Variants in UNC13C observed in about 807,000 individuals in gnomAD.
UNC13C encodes the protein unc-13 homolog C.
Under a neutral mutation model 245.4 loss-of-function variants are expected in UNC13C, and 174 were observed. The observed-to-expected ratio is 0.71, with a 90% CI of 0.63 to 0.80. The LOEUF is 0.80. Ranked by LOEUF, UNC13C falls within the 30% of genes least tolerant of loss-of-function variation. UNC13C has a pLI of 0.00. For missense variants in UNC13C, 2,829 were observed against 2,602.9 expected, an observed-to-expected ratio of 1.09 and a Z score of -1.89; for synonymous variants, 992 against 895.1, an observed-to-expected ratio of 1.11 and a Z score of -1.93.
intron 2 of UNC13C, among the ~76,000 whole-genome samples, chr15:54,108,127 T>C (rs1900543635): frequency 6.6e-6 from 1 of 152,216 alleles, no homozygotes; most frequent in African/African-American, 2.4e-5. Context: ...GTAGACAGCA[T>C]TTAGAGATAA....
At chr15:54,217,674 C>T (rs947237703) in intron 4 of UNC13C, among the ~76,000 whole-genome samples, 1 of 151,956 alleles carries the variant, frequency 6.6e-6, no homozygotes, top group Non-Finnish European at 1.5e-5. Flanking sequence ...TTATCTCCAT[C>T]AGTGCTCCCA....
intron 24 of UNC13C, among the ~76,000 whole-genome samples, chr15:54,518,048 T>C (rs549969653): frequency 6.6e-6 from 1 of 152,306 alleles, no homozygotes; most frequent in East Asian, 1.9e-4. Context: ...TGGCCTTTTA[T>C]TGTGGCAACA....
chr15:54,006,593 A>G lies in UNC13C; in HGVS notation c.-256-6055A>G, dbSNP rs148017856. On this transcript the variant is annotated intron_variant, in intron 1 of 32. Coordinates refer to ENST00000260323, the MANE Select transcript of UNC13C (RefSeq NM_001080534.3). ...CCTGTGATCATCAGTCACATTATATACACATCCTTTTACTCCTTCATGTGG... is the reference window on the plus strand; with the variant it reads ...CCTGTGATCATCAGTCACATTATATGCACATCCTTTTACTCCTTCATGTGG... 2.0e-4 allele frequency among the ~76,000 whole-genome samples: 31 copies of G among 152,356 alleles called. No homozygotes were observed. The East Asian group carries it at 5.6e-3, about 27-fold the overall frequency.
chr15:54,482,009 A>G (rs1426360097), intron 19 of UNC13C, among the ~76,000 whole-genome samples: 1 of 152,162 alleles, frequency 6.6e-6, no homozygotes, highest in Non-Finnish European at 1.5e-5. Context: ...GTTGCTCTGC[A>G]TGGCAGTGGT....
intron 30 of UNC13C, among the ~76,000 whole-genome samples, chr15:54,577,401 A>T (rs1310125193): frequency 6.6e-6 from 1 of 152,176 alleles, no homozygotes; most frequent in Non-Finnish European, 1.5e-5. Flanking sequence ...TTACCATGAA[A>T]GTCTATGCCA....
rs140464741 is a variant in UNC13C at position 54,488,764 on chromosome 15, C to T, written c.4934-5844C>T. On this transcript the variant is annotated intron_variant, in intron 19 of 32. Transcript: ENST00000260323. ...TTTTATTCTGGTAGTAAAATATTCA[C>T]ATTTCTCATTGAAATTCAAAGATTA... Among the ~76,000 whole-genome samples, 537 of 152,252 alleles carry T rather than the reference C, an allele frequency of 3.5e-3. 4 individuals carry two copies. The highest frequency in any genetic ancestry group is 0.012 in the African/African-American group (512 of 41,552).
At chr15:54,030,196 G>A (rs35409463) in intron 2 of UNC13C, among the ~76,000 whole-genome samples, 2,237 of 151,978 alleles carry the variant, frequency 0.015, 64 homozygotes, top group African/African-American at 0.052. Flanking sequence ...CCCCATGTCC[G>A]TGTCCCAGGC....
the UNC13C span, among the ~76,000 whole-genome samples, chr15:53,947,125 A>G: frequency 6.6e-6 from 1 of 152,172 alleles, no homozygotes; most frequent in Non-Finnish European, 1.5e-5. Flanking sequence ...GTGATGACTT[A>G]TATGTAACCA....
chr15:54,110,538 G>A (rs1220839598), intron 2 of UNC13C, among the ~76,000 whole-genome samples: 1 of 152,130 alleles, frequency 6.6e-6, no homozygotes, highest in Non-Finnish European at 1.5e-5. Context: ...ATAAAACAAT[G>A]CATTTTGTGG....
chr15:53,843,193 T>C, the UNC13C span, among the ~76,000 whole-genome samples: 3 of 152,112 alleles, frequency 2.0e-5, no homozygotes, highest in Non-Finnish European at 4.4e-5. Flanking sequence ...GATCCCAACA[T>C]TTTGGGAGGC....
chr15:54,230,250 T>A (rs2035512826), intron 4 of UNC13C, among the ~76,000 whole-genome samples: 1 of 152,196 alleles, frequency 6.6e-6, no homozygotes, highest in Non-Finnish European at 1.5e-5. Context: ...TCACCAACAC[T>A]TGTTATCTTT....
chr15:54,330,674 T>C (rs1222396255), intron 14 of UNC13C, among the ~76,000 whole-genome samples: 1 of 152,082 alleles, frequency 6.6e-6, no homozygotes, highest in African/African-American at 2.4e-5. Flanking sequence ...TCTCCTTTTC[T>C]ATCTGGATTG....
At chr15:54,184,075 T>C (rs2033888927) in intron 4 of UNC13C, among the ~76,000 whole-genome samples, 1 of 152,164 alleles carries the variant, frequency 6.6e-6, no homozygotes, top group Admixed American at 6.6e-5. Flanking sequence ...ATGCAGACTG[T>C]ACATTCCCTT....
At chr15:54,535,945 A>T (rs1226979656) in intron 26 of UNC13C, among the ~76,000 whole-genome samples, 3 of 152,154 alleles carry the variant, frequency 2.0e-5, no homozygotes, top group Non-Finnish European at 2.9e-5. Flanking sequence ...AGTAAATCAT[A>T]AACCAACCGA....
chr15:54,562,541 C>CA (rs2141208954), intron 29 of UNC13C, among the ~76,000 whole-genome samples: 2 of 152,042 alleles, frequency 1.3e-5, no homozygotes, highest in East Asian at 3.9e-4. Flanking sequence ...GACGGGACCT[C>CA]ACTAACTTAC....
At chr15:53,944,922 A>T in the UNC13C span, among the ~76,000 whole-genome samples, 2 of 152,156 alleles carry the variant, frequency 1.3e-5, no homozygotes, top group African/African-American at 4.8e-5. Flanking sequence ...CTTTACCAGC[A>T]TCTGTTATTT....
At chr15:54,324,709 T>C (rs537073737) in intron 14 of UNC13C, among the ~76,000 whole-genome samples, 1 of 152,004 alleles carries the variant, frequency 6.6e-6, no homozygotes, top group Non-Finnish European at 1.5e-5. Context: ...AAGGGTAGTA[T>C]ATCATATAAT....
intron 4 of UNC13C, among the ~76,000 whole-genome samples, chr15:54,206,496 A>T (rs1267386395): frequency 6.6e-6 from 1 of 152,102 alleles, no homozygotes; most frequent in African/African-American, 2.4e-5. Flanking sequence ...TTGACTTTTA[A>T]ATGGCTAATG....
At chr15:54,607,761 G>A (rs1482517382) in intron 30 of UNC13C, among the ~76,000 whole-genome samples, 1 of 152,046 alleles carries the variant, frequency 6.6e-6, no homozygotes, top group South Asian at 2.1e-4. Flanking sequence ...AGGGGGAGGT[G>A]CTACACACTT....
Sources: allele counts gnomAD v4.1 joint callset (sites outside exome capture counted in the v4.1 genomes callset), GRCh38; gene constraint gnomAD v4.1.1; transcripts MANE v1.5; gene names NCBI Gene and HGNC (gene_info 2026-07-23, HGNC 2026-07-21).